The following CMIP variants were observed in gnomAD, a reference collection of about 807,000 sequenced individuals.
CMIP encodes the protein c-Maf inducing protein.
Under a neutral mutation model 97.3 loss-of-function variants are expected in CMIP, and 13 were observed. The observed-to-expected ratio is 0.13, with a 90% CI of 0.09 to 0.21. CMIP has a LOEUF of 0.21. Among genes scored for constraint, CMIP ranks in the 10% least tolerant of loss-of-function variants. The pLI is 1.00. For missense variants in CMIP, 847 were observed against 1,024.9 expected, an observed-to-expected ratio of 0.83 and a Z score of 2.37; for synonymous variants, 538 against 436.3, an observed-to-expected ratio of 1.23 and a Z score of -2.91.
chr16:81,449,672 C>A (rs957385938), intron 1 of CMIP, among the ~76,000 whole-genome samples: 2 of 146,832 alleles, frequency 1.4e-5, no homozygotes, highest in Non-Finnish European at 3.0e-5. Flanking sequence ...ACAGATTTCC[C>A]CCCCCCCCTT....
chr16:81,692,199 T>C (rs1199620750), intron 11 of CMIP, among the ~76,000 whole-genome samples: 1 of 152,176 alleles, frequency 6.6e-6, no homozygotes, highest in Non-Finnish European at 1.5e-5. Context: ...TACCTGCCGC[T>C]CCTCTTCCGA....
chr16:81,577,992 ATCATCACCATCACCT>A (rs1440334722), intron 1 of CMIP, among the ~76,000 whole-genome samples: 12 of 150,222 alleles, frequency 8.0e-5, no homozygotes, highest in African/African-American at 3.0e-4. Flanking sequence ...CACCATCACC[ATCATCACCATCACCT>A]TCATCACCAC....
intron 10 of CMIP, among the ~76,000 whole-genome samples, chr16:81,686,353 A>G (rs1567662349): frequency 6.6e-6 from 1 of 152,210 alleles, no homozygotes; most frequent in African/African-American, 2.4e-5. Context: ...TGCACACGAC[A>G]GGCCTCAGGC....
At chr16:81,596,850 A>G (rs1451306475) in intron 1 of CMIP, among the ~76,000 whole-genome samples, 5 of 152,220 alleles carry the variant, frequency 3.3e-5, no homozygotes, top group Non-Finnish European at 5.9e-5. Flanking sequence ...CCCACAGCAC[A>G]GACTCAGGTG....
At chr16:81,679,397 C>T (rs1904637014) in intron 10 of CMIP, among the ~76,000 whole-genome samples, 1 of 151,970 alleles carries the variant, frequency 6.6e-6, no homozygotes, top group Admixed American at 6.6e-5. Context: ...ATGTGTGTTT[C>T]TCTGTATGTT....
chr16:81,701,465 A>G (rs1907396064), intron 15 of CMIP, among the ~76,000 whole-genome samples, 195 bp from the exon 16 acceptor site: 1 of 152,200 alleles, frequency 6.6e-6, no homozygotes, highest in Non-Finnish European at 1.5e-5. Context: ...GGAGAACCTC[A>G]GTGCGTGGTC....
chr16:81,669,243 A>C (rs544165745), intron 7 of CMIP, among the ~76,000 whole-genome samples: 2 of 97,842 alleles, frequency 2.0e-5, no homozygotes, highest in Admixed American at 1.1e-4. Flanking sequence ...ACACCTCCAC[A>C]CCCACCTCTC....
At chr16:81,554,138 T>G (rs989203767) in intron 1 of CMIP, among the ~76,000 whole-genome samples, 2 of 152,228 alleles carry the variant, frequency 1.3e-5, no homozygotes, top group African/African-American at 4.8e-5. Context: ...GCCAAACTCA[T>G]TGAGGGCGGA....
At chr16:81,508,830 G>A (rs1462010204) in intron 1 of CMIP, among the ~76,000 whole-genome samples, 1 of 152,232 alleles carries the variant, frequency 6.6e-6, no homozygotes, top group Non-Finnish European at 1.5e-5. Context: ...GATCCTCATG[G>A]TGTCTCAGGG....
chr16:81,475,963 G>A, intron 1 of CMIP: 1 of 459,312 alleles, frequency 2.2e-6, no homozygotes, highest in Non-Finnish European at 4.0e-6. Flanking sequence ...CTCCAGCGTG[G>A]GTGACAGAGT....
intron 1 of CMIP, among the ~76,000 whole-genome samples, chr16:81,541,460 C>T (rs927232748): frequency 2.6e-5 from 4 of 152,176 alleles, no homozygotes; most frequent in Non-Finnish European, 2.9e-5. Flanking sequence ...AGCCCCTGAT[C>T]GGTGCCCCAG....
chr16:81,645,366 G>T (rs1300645578), intron 3 of CMIP: 1 of 1,443,564 alleles, frequency 6.9e-7, no homozygotes, highest in Non-Finnish European at 9.1e-7. Flanking sequence ...GTGTGTACGC[G>T]CGCGAGCCCC....
chr16:81,544,284 C>A (rs1253541178), intron 1 of CMIP, among the ~76,000 whole-genome samples: 1 of 152,202 alleles, frequency 6.6e-6, no homozygotes. Context: ...TCAAATGAGA[C>A]CGAGGCTGGA....
chr16:81,669,117 CA>C (rs2092648746), intron 7 of CMIP, among the ~76,000 whole-genome samples: 3 of 41,346 alleles, frequency 7.3e-5, no homozygotes, highest in Admixed American at 2.2e-4. Flanking sequence ...CCACCTCTCA[CA>C]CTCACCTCCT....
intron 1 of CMIP, among the ~76,000 whole-genome samples, chr16:81,548,511 G>A (rs2090592583): frequency 6.6e-6 from 1 of 151,968 alleles, no homozygotes; most frequent in Non-Finnish European, 1.5e-5. Flanking sequence ...CTCACTAGAT[G>A]CCCACAGCAC....
At chr16:81,557,959 C>G (rs2090799913) in intron 1 of CMIP, among the ~76,000 whole-genome samples, 1 of 152,188 alleles carries the variant, frequency 6.6e-6, no homozygotes, top group Non-Finnish European at 1.5e-5. Flanking sequence ...CATTCCCCTC[C>G]CCGAGCCCCT....
At chr16:81,515,497 T>C (rs1313284878) in intron 1 of CMIP, among the ~76,000 whole-genome samples, 2 of 152,128 alleles carry the variant, frequency 1.3e-5, no homozygotes, top group African/African-American at 2.4e-5. Flanking sequence ...ATTGATTTAC[T>C]ATTGAGTGCT....
At chr16:81,703,382 C>T (rs1167977462) in intron 17 of CMIP, among the ~76,000 whole-genome samples, 1 of 152,096 alleles carries the variant, frequency 6.6e-6, no homozygotes, top group Non-Finnish European at 1.5e-5. Flanking sequence ...GCGCTGGTGT[C>T]TTCAGGCATT....
chr16:81,698,693 C>T (rs888394879), intron 14 of CMIP, among the ~76,000 whole-genome samples: 3 of 152,188 alleles, frequency 2.0e-5, no homozygotes, highest in African/African-American at 7.2e-5. Context: ...ACACAACCAT[C>T]ACCACCGTTC....
Sources: allele counts gnomAD v4.1 joint callset (sites outside exome capture counted in the v4.1 genomes callset), GRCh38; gene constraint gnomAD v4.1.1; transcripts MANE v1.5; gene names NCBI Gene and HGNC (gene_info 2026-07-23, HGNC 2026-07-21).